KCNH6: variants seen among roughly 807,000 people sequenced by gnomAD.
The protein encoded by KCNH6 is potassium voltage-gated channel subfamily H member 6.
Under a neutral mutation model 83.4 loss-of-function variants are expected in KCNH6, and 81 were observed. That is an observed-to-expected ratio of 0.97 (90% CI 0.81 to 1.17). The LOEUF is 1.17. KCNH6 is among the 50% of genes most tolerant of loss of function. The probability of loss-of-function intolerance (pLI) is 0.00; values close to 1 mark genes in which losing one functional copy is unlikely to be tolerated. For missense variants in KCNH6, 1,203 were observed against 1,290.5 expected (o/e 0.93, Z 1.04); for synonymous variants, 503 against 545.6 (o/e 0.92, Z 1.09).
rs73992287 is a variant in KCNH6 at position 63,534,867 on chromosome 17, C to A, written c.1101+556C>A. Among the ~76,000 whole-genome samples the A allele has an allele frequency of 0.018, 2,764 of 152,182 alleles. 74 individuals carry two copies. Among genetic ancestry groups the A allele is most frequent in the African/African-American group, 0.063 (2,625 of 41,478 alleles). On this transcript the variant is annotated intron_variant, in intron 5 of 12. Transcript: ENST00000314672. The surrounding 1 kb of genome is among the most constrained non-coding windows in gnomAD (Gnocchi z 5.0). Reference sequence around the variant, plus strand: ...GTGCCCCCTTATCACCCCAGCCTGTCCAGCAGGGGGTGTCCAGCAGGGCTC... The same window carrying A: ...GTGCCCCCTTATCACCCCAGCCTGTACAGCAGGGGGTGTCCAGCAGGGCTC...
intron 10 of KCNH6, 100 bp from the exon 11 acceptor site, chr17:63,544,149 T>C (rs374418299): frequency 1.3e-6 from 2 of 1,597,620 alleles, no homozygotes; most frequent in African/African-American, 2.7e-5. Flanking sequence ...ACACCCTGTG[T>C]CCCCAGGGCA....
Position 63,530,075 on chromosome 17 carries a change from C to T in KCNH6, c.308-16C>T, listed in dbSNP as rs2031982905. 6 of 1,612,032 alleles carry T rather than the reference C, an allele frequency of 3.7e-6. No individual in the cohort carries two copies. The South Asian group carries it at 6.6e-5, about 18-fold the overall frequency. Reference sequence around the variant, plus strand: ...CCTTCAGGGCCCACCCCCCATCCTCCCAATGGTGTTCGCAGCCTCCAGCTT... The same window carrying T: ...CCTTCAGGGCCCACCCCCCATCCTCTCAATGGTGTTCGCAGCCTCCAGCTT... On this transcript the variant is annotated splice_polypyrimidine_tract_variant and intron_variant, in intron 2 of 12. Coordinates refer to ENST00000314672, the MANE Select transcript of KCNH6 (RefSeq NM_001278919.2).
chr17:63,528,406 A>G (rs1337793029), intron 2 of KCNH6, among the ~76,000 whole-genome samples: 4 of 152,104 alleles, frequency 2.6e-5, no homozygotes, highest in African/African-American at 7.2e-5. Flanking sequence ...CAGAAATCCA[A>G]TACGAGAGAT....
Position 63,545,887 on chromosome 17 carries a change from G to C in KCNH6, c.2862G>C (p.Gly954=). ...QRHGSDPGFA[G]SWGH is the part of the protein sequence containing the mutation. ...ATGGCTCAGATCCTGGATTTGCAGG[G>C]AGTTGGGGCCACTGAACTCCAAGAT... Residue 954 remains glycine, a synonymous_variant, in exon 13 of 13, where the codon GGG becomes GGC. Coordinates refer to ENST00000314672, the MANE Select transcript of KCNH6 (RefSeq NM_001278919.2). The C allele has an allele frequency of 6.2e-7, 1 of 1,613,890 alleles. No homozygotes were observed. Among genetic ancestry groups the C allele is most frequent in the East Asian group, 2.2e-5 (1 of 44,866 alleles).
rs549865776 is a variant in KCNH6 at position 63,523,837 on chromosome 17, T to C, written c.77-302T>C. ...GAGTCCTTCTTTTCCTTCCTTTTCATATCCTGGTTCTGGTCTTCCCAGGAG... is the reference window on the plus strand; with the variant it reads ...GAGTCCTTCTTTTCCTTCCTTTTCACATCCTGGTTCTGGTCTTCCCAGGAG... On this transcript the variant is annotated intron_variant, in intron 1 of 12. Coordinates refer to ENST00000314672, the MANE Select transcript of KCNH6 (RefSeq NM_001278919.2). The surrounding 1 kb of genome is among the most constrained non-coding windows in gnomAD (Gnocchi z 4.2). Among the ~76,000 whole-genome samples, 20 of 152,212 alleles carry C rather than the reference T, an allele frequency of 1.3e-4. No individual in the cohort carries two copies. Among genetic ancestry groups the C allele is most frequent in the African/African-American group, 4.8e-4 (20 of 41,528 alleles).
At position 63,535,889 on chromosome 17, in the gene KCNH6, G is replaced by A. The variant is rs141623241; in HGVS notation, c.1322G>A (p.Gly441Asp). The change falls in exon 6 of 13, where the codon GGT becomes GAT. Residue 441 changes from glycine (G) to aspartate (D), a missense_variant. By Grantham distance (94) the Gly-to-Asp change is moderately conservative (BLOSUM62 -1). Coordinates refer to ENST00000314672, the MANE Select transcript of KCNH6 (RefSeq NM_001278919.2). This position sits in a 1 kb window ranked among gnomAD's most constrained non-coding sequence, Gnocchi z 4.9. Reference protein sequence around the residue: ...EHKIGWLDSLGVQLGKRYNGS... With the variant: ...EHKIGWLDSLDVQLGKRYNGS... ...AAGATCGGCTGGCTGGACAGCCTGG[G>A]TGTGCAGCTTGGCAAGCGCTACAAC... 35 of 1,614,010 alleles carry A rather than the reference G, an allele frequency of 2.2e-5. No individual in the cohort carries two copies. The African/African-American group carries it at 3.7e-4, about 17-fold the overall frequency.
At chr17:63,537,991 G>A in intron 6 of KCNH6, 74 bp from the exon 7 acceptor site, 4 of 1,442,522 alleles carry the variant, frequency 2.8e-6, no homozygotes, top group Non-Finnish European at 2.9e-6. Flanking sequence ...CTGGAAGGAG[G>A]AAGACCTGGG....
Position 63,545,191 on chromosome 17 carries a change from C to T in KCNH6, c.2510C>T (p.Ala837Val). Residue 837 changes from alanine (A) to valine (V), a missense_variant, in exon 12 of 13, where the codon GCC becomes GTC. By Grantham distance (64) the Ala-to-Val change is moderately conservative (BLOSUM62 0). Coordinates refer to ENST00000314672, the MANE Select transcript of KCNH6 (RefSeq NM_001278919.2). Reference sequence around the variant, plus strand: ...GAAGCCCCTGCCTCCAATGACCTGGCCTTGGTTCCTATAGCCTCGGAGACG... The same window carrying T: ...GAAGCCCCTGCCTCCAATGACCTGGTCTTGGTTCCTATAGCCTCGGAGACG... ...ILEAPASNDL[A>V]LVPIASETTS... The T allele has an allele frequency of 6.2e-7, 1 of 1,613,822 alleles. No individual in the cohort carries two copies. Among genetic ancestry groups the T allele is most frequent in the Non-Finnish European group, 8.5e-7 (1 of 1,180,036 alleles).
chr17:63,531,935 G>C lies in KCNH6; in HGVS notation c.675+1393G>C, dbSNP rs116257649. Among the ~76,000 whole-genome samples, 197 of 152,340 alleles carry C rather than the reference G, an allele frequency of 1.3e-3. 1 individual carries two copies. Among genetic ancestry groups the C allele is most frequent in the African/African-American group, 4.7e-3 (194 of 41,570 alleles). ...GGTGCCTGACAGATCTCAGGGGAAA[G>C]AGCAGGCGAGGACCCAGATCAGGGA... On this transcript the variant is annotated intron_variant, in intron 4 of 12. Transcript: ENST00000314672.
chr17:63,543,413 C>T (rs2032977126), intron 9 of KCNH6, among the ~76,000 whole-genome samples, 163 bp from the exon 10 acceptor site: 1 of 152,142 alleles, frequency 6.6e-6, no homozygotes, highest in Non-Finnish European at 1.5e-5. Flanking sequence ...TCTCTGCAGC[C>T]TGGGCCACCT....
Position 63,523,574 on chromosome 17 carries a change from A to C in KCNH6, c.76+85A>C, listed in dbSNP as rs1006332829. On this transcript the variant is annotated intron_variant, in intron 1 of 12. Coordinates refer to ENST00000314672, the MANE Select transcript of KCNH6 (RefSeq NM_001278919.2). The surrounding 1 kb of genome is among the most constrained non-coding windows in gnomAD (Gnocchi z 4.2). ...GGGCTGGACCCCTTTACTAACTTCT[A>C]ACCGGGCAAGGTGGTGAGTGCCGGG... 2 of 1,306,318 alleles carry C rather than the reference A, an allele frequency of 1.5e-6. No homozygotes were observed. Among genetic ancestry groups the C allele is most frequent in the Middle Eastern group, 1.9e-4 (1 of 5,374 alleles). 80.9% of individuals were successfully genotyped at this position (1,306,318 alleles called of 1,614,324 possible).
chr17:63,534,595 C>T lies in KCNH6; in HGVS notation c.1101+284C>T, dbSNP rs1431813890. Among the ~76,000 whole-genome samples the T allele has an allele frequency of 6.6e-6, 1 of 152,008 alleles. No homozygotes were observed. The highest frequency in any genetic ancestry group is 2.4e-5 in the African/African-American group (1 of 41,362). On this transcript the variant is annotated intron_variant, in intron 5 of 12. Transcript: ENST00000314672. The surrounding 1 kb of genome is among the most constrained non-coding windows in gnomAD (Gnocchi z 5.0). ...TCCAGGATGGGCACTCGTGTGGTCC[C>T]GGCCCCTCATGCTGACTTCCAAACT...
chr17:63,545,556 G>A (rs1396586882), intron 12 of KCNH6, 53 bp from the exon 13 acceptor site: 2 of 1,560,774 alleles, frequency 1.3e-6, no homozygotes, highest in Middle Eastern at 1.7e-4. Flanking sequence ...AAATCAGGGT[G>A]GATTAACCCG....
In KCNH6 at chr17:63,523,550, G is replaced by T. The variant is rs1272371936; in HGVS notation, c.76+61G>T. Reference sequence around the variant, plus strand: ...GGAGTCCTGGTTCCGTGAAAGGGGGGGCTGGACCCCTTTACTAACTTCTAA... The same window carrying T: ...GGAGTCCTGGTTCCGTGAAAGGGGGTGCTGGACCCCTTTACTAACTTCTAA... On this transcript the variant is annotated intron_variant, in intron 1 of 12. Coordinates refer to ENST00000314672, the MANE Select transcript of KCNH6 (RefSeq NM_001278919.2). The surrounding 1 kb of genome is among the most constrained non-coding windows in gnomAD (Gnocchi z 4.2). 2.1e-6 allele frequency: 3 copies of T among 1,457,520 alleles called. No homozygotes were observed. The highest frequency in any genetic ancestry group is 1.4e-5 in the African/African-American group (1 of 69,874). The allele number at this position is 1,457,520 out of a possible 1,614,324, so 90.3% of individuals were successfully genotyped here. A position where few individuals can be genotyped will look rare whatever the true frequency, so the allele number is the denominator to read the frequency against.
chr17:63,529,568 C>T (rs779795727), intron 2 of KCNH6, among the ~76,000 whole-genome samples: 2 of 152,232 alleles, frequency 1.3e-5, no homozygotes, highest in Non-Finnish European at 2.9e-5. Flanking sequence ...GGGGTCCATG[C>T]CTGCCCCCCA....
intron 9 of KCNH6, 135 bp downstream of exon 9, chr17:63,542,569 C>A: frequency 1.4e-6 from 1 of 733,182 alleles, no homozygotes; most frequent in Non-Finnish European, 2.3e-6. Flanking sequence ...TTTGTGCCTA[C>A]CATGGCTGGC....
intron 2 of KCNH6, among the ~76,000 whole-genome samples, chr17:63,526,425 T>C (rs1251992795): frequency 6.7e-6 from 1 of 148,718 alleles, no homozygotes; most frequent in Admixed American, 6.8e-5. Flanking sequence ...AGGGTCTTGC[T>C]CTGTCACGCA....
rs940088612 is a variant in KCNH6, at chr17:63,533,216, G to T, written c.676-670G>T. On this transcript the variant is annotated intron_variant, in intron 4 of 12. Coordinates refer to ENST00000314672, the MANE Select transcript of KCNH6 (RefSeq NM_001278919.2). This position sits in a 1 kb window ranked among gnomAD's most constrained non-coding sequence, Gnocchi z 4.1. ...TGGAGGCGGGGGCGGGAGGGGAGAA[G>T]GGAGAAGGGAAGGCTCTGCAGAAGG... Among the ~76,000 whole-genome samples the T allele has an allele frequency of 1.3e-5, 2 of 152,110 alleles. No individual in the cohort carries two copies. The highest frequency in any genetic ancestry group is 3.9e-4 in the East Asian group (2 of 5,184).
At chr17:63,542,478 G>A in intron 9 of KCNH6, 44 bp downstream of exon 9, 1 of 1,573,278 alleles carries the variant, frequency 6.4e-7, no homozygotes, top group Non-Finnish European at 8.7e-7. Flanking sequence ...AAATGCCCAG[G>A]CAGCCTGCCT....
Sources: allele counts gnomAD v4.1 joint callset (sites outside exome capture counted in the v4.1 genomes callset), GRCh38; gene constraint gnomAD v4.1.1; non-coding constraint Gnocchi (gnomAD v3.1); transcripts MANE v1.5; gene names NCBI Gene and HGNC (gene_info 2026-07-23, HGNC 2026-07-21).